NPEPPS: variants seen among roughly 807,000 people sequenced by gnomAD.
NPEPPS encodes aminopeptidase puromycin sensitive.
In NPEPPS, 14 loss-of-function variants were observed where a neutral mutation model predicts 115.5. The ratio of observed to expected loss-of-function variants is 0.12; its 90% CI spans 0.08 to 0.19. The LOEUF (loss-of-function observed/expected upper bound fraction) is 0.19, where lower values mean the gene tolerates loss of function less well. Among genes scored for constraint, NPEPPS ranks in the 10% least tolerant of loss-of-function variants. The pLI is 1.00. For missense variants in NPEPPS, 523 were observed against 1,110.8 expected (o/e 0.47, Z 7.52); for synonymous variants, 285 against 390.6 (o/e 0.73, Z 3.19).
chr17:47,569,705 C>T (rs1365265861), intron 3 of NPEPPS, among the ~76,000 whole-genome samples: 1 of 151,968 alleles, frequency 6.6e-6, no homozygotes, highest in East Asian at 1.9e-4. Flanking sequence ...ACAACCTCCA[C>T]CTTCCAGGTT....
intron 2 of NPEPPS, among the ~76,000 whole-genome samples, chr17:47,568,916 A>T (rs1007345841): frequency 6.6e-6 from 1 of 151,592 alleles, no homozygotes; most frequent in Non-Finnish European, 1.5e-5. Flanking sequence ...CGGCCTCCCA[A>T]AGTGCTGGGA....
At chr17:47,615,073 C>CTTTTTTTTTTTTTTTTTTTTTTTTTTT (rs60829784) in intron 19 of NPEPPS, among the ~76,000 whole-genome samples, 1 of 122,492 alleles carries the variant, frequency 8.2e-6, no homozygotes, top group African/African-American at 3.4e-5. Flanking sequence ...TACTTTCTTT[C>CTTTTTTTTTTTTTTTTTTTTTTTTTTT]TTTTTTTTTT....
intron 2 of NPEPPS, among the ~76,000 whole-genome samples, chr17:47,562,878 G>T (rs1009901455): frequency 6.6e-6 from 1 of 151,146 alleles, no homozygotes; most frequent in Non-Finnish European, 1.5e-5. Context: ...TAATTGCAGT[G>T]TTATTCTTGT....
intron 18 of NPEPPS, 76 bp from the exon 19 acceptor site, chr17:47,613,593 T>C: frequency 3.3e-6 from 4 of 1,219,744 alleles, no homozygotes; most frequent in Non-Finnish European, 4.8e-6. Context: ...TTTACTTGCT[T>C]TCTGTCTTTT....
rs1183263000 is a variant in NPEPPS, at chr17:47,558,310, G to T, written c.341-11107G>T. On this transcript the variant is annotated intron_variant, in intron 2 of 22. Transcript: ENST00000322157. ...TCCTGGCTAATTTTTTCTATTTTTA[G>T]TAGAGATGGGGTTTCACCATGTTGG... 3.3e-5 allele frequency among the ~76,000 whole-genome samples: 5 copies of T among 151,586 alleles called. No individual in the cohort carries two copies. The East Asian group carries it at 9.7e-4, about 29-fold the overall frequency.
At chr17:47,592,434 A>G in intron 11 of NPEPPS, 51 bp from the exon 12 acceptor site, 3 of 1,527,658 alleles carry the variant, frequency 2.0e-6, no homozygotes, top group Non-Finnish European at 2.7e-6. Flanking sequence ...CAAATATACT[A>G]TAAATTCTGA....
In NPEPPS at chr17:47,586,242, C is replaced by T. The variant is rs1408934803; in HGVS notation, c.944C>T (p.Ala315Val). 1 of 1,181,192 alleles carries T rather than the reference C, an allele frequency of 8.5e-7. No homozygotes were observed. The allele number at this position is 1,181,192 out of a possible 1,614,324, so 73.2% of individuals were successfully genotyped here. The change falls in exon 7 of 23, where the codon GCT becomes GTT. Residue 315 changes from alanine to valine, a missense_variant and splice_region_variant. Ala to Val is a moderately conservative substitution (Grantham distance 64). Transcript: ENST00000322157. Reference protein sequence around the residue: ...IDLIAIADFAAGAMENWGLVT... With the variant: ...IDLIAIADFAVGAMENWGLVT... ...CTCATTGCTATTGCAGACTTTGCAG[C>T]TGGTAAAGTAAATTTCATTTTATTG...
intron 19 of NPEPPS, among the ~76,000 whole-genome samples, chr17:47,614,265 A>G (rs1914054340): frequency 6.6e-6 from 1 of 152,170 alleles, no homozygotes; most frequent in Non-Finnish European, 1.5e-5. Context: ...TACTGTGCCC[A>G]GCTGAAATTT....
At chr17:47,544,476 TA>T (rs1909039225) in intron 1 of NPEPPS, among the ~76,000 whole-genome samples, 1 of 151,800 alleles carries the variant, frequency 6.6e-6, no homozygotes, top group Non-Finnish European at 1.5e-5. Flanking sequence ...AAATGTTTCC[TA>T]ATTAAGATTT....
chr17:47,531,957 C>A (rs977297500), intron 1 of NPEPPS, among the ~76,000 whole-genome samples: 1 of 152,146 alleles, frequency 6.6e-6, no homozygotes, highest in African/African-American at 2.4e-5. Flanking sequence ...TGGGAGTCCC[C>A]GCTCTGCCTC....
intron 13 of NPEPPS, among the ~76,000 whole-genome samples, chr17:47,597,341 A>G (rs955953611): frequency 5.3e-5 from 8 of 152,188 alleles, no homozygotes; most frequent in Non-Finnish European, 1.0e-4. Flanking sequence ...ATGCCTACCA[A>G]AAAGTGATCT....
intron 4 of NPEPPS, chr17:47,582,069 T>G (rs1316238401): frequency 6.6e-6 from 1 of 152,310 alleles, no homozygotes; most frequent in East Asian, 1.9e-4. Context: ...AAATTCTGTT[T>G]ACTAAAGTTT....
At chr17:47,585,787 T>C (rs1407035245) in intron 6 of NPEPPS, 87 bp downstream of exon 6, 1 of 964,454 alleles carries the variant, frequency 1.0e-6, no homozygotes, top group Non-Finnish European at 1.6e-6. Context: ...AGTACAGTTA[T>C]TTATAATTTA....
At chr17:47,589,470 G>T (rs2611859) in intron 9 of NPEPPS, among the ~76,000 whole-genome samples, 1 of 151,734 alleles carries the variant, frequency 6.6e-6, no homozygotes, top group African/African-American at 2.4e-5. Flanking sequence ...TCACTATGTT[G>T]CCCAGGCTTA....
upstream of NPEPPS, among the ~76,000 whole-genome samples, chr17:47,530,195 G>A (rs1907637521): frequency 7.0e-6 from 1 of 142,734 alleles, no homozygotes; most frequent in Non-Finnish European, 1.5e-5. Flanking sequence ...CGCCCGCCTC[G>A]GCCTCCCAAA....
In NPEPPS at chr17:47,586,335, T is replaced by A. The variant is rs1314250927; in HGVS notation, c.947-30T>A. 6.9e-6 allele frequency: 9 copies of A among 1,308,812 alleles called. No individual in the cohort carries two copies. In the East Asian group the frequency reaches 2.5e-4, roughly 37 times the overall value. 81.1% of individuals were successfully genotyped at this position (1,308,812 alleles called of 1,614,324 possible). On this transcript the variant is annotated intron_variant, in intron 7 of 22. Coordinates refer to ENST00000322157, the MANE Select transcript of NPEPPS (RefSeq NM_006310.4). The stretch of plus-strand genomic sequence containing the variant: ...AAGAGTATATATATATATATATATA[T>A]CAATAAATGTTTATATTTATTTTGT...
intron 5 of NPEPPS, 84 bp downstream of exon 5, chr17:47,582,933 C>G: frequency 1.7e-6 from 1 of 588,886 alleles, no homozygotes; most frequent in Non-Finnish European, 3.0e-6. Context: ...TAATATGAAA[C>G]CACCTACCAC....
At chr17:47,565,559 C>T (rs1265829576) in intron 2 of NPEPPS, among the ~76,000 whole-genome samples, 6 of 150,150 alleles carry the variant, frequency 4.0e-5, no homozygotes, top group Non-Finnish European at 8.9e-5. Flanking sequence ...GTGGTTCATG[C>T]CTGTAATCCC....
At chr17:47,617,334 T>G (rs1408542182) in intron 19 of NPEPPS, among the ~76,000 whole-genome samples, 1 of 152,140 alleles carries the variant, frequency 6.6e-6, no homozygotes, top group Non-Finnish European at 1.5e-5. Flanking sequence ...ATACTACCAT[T>G]TTGATGTATT....
Sources: allele counts gnomAD v4.1 joint callset (sites outside exome capture counted in the v4.1 genomes callset), GRCh38; gene constraint gnomAD v4.1.1; transcripts MANE v1.5; gene names NCBI Gene and HGNC (gene_info 2026-07-23, HGNC 2026-07-21).